Variants in CCSER1 observed in about 807,000 individuals in gnomAD.
CCSER1 encodes coiled-coil serine rich protein 1, also known as serine-rich coiled-coil domain-containing protein 1.
CCSER1 carries 41 observed loss-of-function variants against 82.0 expected under a neutral mutation model. The observed-to-expected ratio is 0.50, with a 90% CI of 0.39 to 0.65. The LOEUF (loss-of-function observed/expected upper bound fraction) is 0.65. Ranked by LOEUF, CCSER1 falls within the 30% of genes least tolerant of loss-of-function variation. CCSER1 has a pLI of 0.00. For synonymous variants in CCSER1, 414 were observed against 383.9 expected, an observed-to-expected ratio of 1.08 and a Z score of -0.92; for missense variants, 1,119 against 1,064.2, an observed-to-expected ratio of 1.05 and a Z score of -0.72.
At chr4:91,075,366 G>A (rs999081788) in intron 9 of CCSER1, among the ~76,000 whole-genome samples, 1 of 152,032 alleles carries the variant, frequency 6.6e-6, no homozygotes. Context: ...TGAGAAATAT[G>A]TATACTGAGG....
intron 7 of CCSER1, among the ~76,000 whole-genome samples, chr4:90,744,880 A>G (rs1204107977): frequency 1.3e-5 from 2 of 152,064 alleles, no homozygotes; most frequent in African/African-American, 4.8e-5. Flanking sequence ...CATGAAACCA[A>G]TTGTTGGTGC....
chr4:90,482,506 T>C (rs1397515777), intron 5 of CCSER1, among the ~76,000 whole-genome samples: 5 of 152,228 alleles, frequency 3.3e-5, no homozygotes, highest in Non-Finnish European at 5.9e-5. Flanking sequence ...CTTGTGGGCA[T>C]TTAGTGCTAT....
intron 3 of CCSER1, among the ~76,000 whole-genome samples, chr4:90,315,729 C>T (rs1736057002): frequency 6.6e-6 from 1 of 152,164 alleles, no homozygotes; most frequent in Non-Finnish European, 1.5e-5. Context: ...GTCTTGAACA[C>T]CTGACCTCAG....
intron 1 of CCSER1, among the ~76,000 whole-genome samples, chr4:90,210,693 C>G (rs929824457): frequency 1.3e-5 from 2 of 152,134 alleles, no homozygotes. Flanking sequence ...AATCCTCTGG[C>G]CTCAGCCTCC....
At chr4:90,409,495 A>C (rs1219215421) in intron 4 of CCSER1, among the ~76,000 whole-genome samples, 1 of 152,208 alleles carries the variant, frequency 6.6e-6, no homozygotes, top group South Asian at 2.1e-4. Flanking sequence ...TAAAGAAAAG[A>C]ATTTTCAACC....
chr4:91,516,053 G>T (rs1400726626), intron 10 of CCSER1, among the ~76,000 whole-genome samples: 3 of 151,994 alleles, frequency 2.0e-5, no homozygotes, highest in African/African-American at 7.2e-5. Flanking sequence ...TTTTAATGGG[G>T]TTGTATGTTT....
At chr4:90,187,322 T>C (rs1242160211) in intron 1 of CCSER1, among the ~76,000 whole-genome samples, 2 of 151,574 alleles carry the variant, frequency 1.3e-5, no homozygotes, top group East Asian at 3.9e-4. Context: ...TGTCTTAAAA[T>C]CAATGACATT....
At chr4:91,064,978 A>G (rs939140359) in intron 9 of CCSER1, among the ~76,000 whole-genome samples, 2 of 152,048 alleles carry the variant, frequency 1.3e-5, no homozygotes, top group Non-Finnish European at 2.9e-5. Flanking sequence ...GATTTTGCTT[A>G]TATTGTAAGT....
At chr4:90,778,719 C>A (rs1238544109) in intron 7 of CCSER1, among the ~76,000 whole-genome samples, 2 of 151,608 alleles carry the variant, frequency 1.3e-5, no homozygotes, top group Non-Finnish European at 2.9e-5. Flanking sequence ...TAGAAGGCAC[C>A]CTGCATCCCT....
In CCSER1 at chr4:91,421,315, T is replaced by C. The variant is rs534485733; in HGVS notation, c.2218-177257T>C. On this transcript the variant is annotated intron_variant, in intron 10 of 10. Coordinates refer to ENST00000509176, the MANE Select transcript of CCSER1 (RefSeq NM_001145065.2). ...CAGGAAAGCCTATGGTGTAATTCAG[T>C]TGGAGTCTGAAAGCCTGAGAACCAG... is the stretch of plus-strand genomic sequence containing the variant. 6.4e-4 allele frequency among the ~76,000 whole-genome samples: 97 copies of C among 152,242 alleles called. No homozygotes were observed. In the South Asian group the frequency reaches 7.9e-3, roughly 12 times the overall value.
chr4:91,168,836 T>A (rs1315366666), intron 10 of CCSER1, among the ~76,000 whole-genome samples: 1 of 152,146 alleles, frequency 6.6e-6, no homozygotes, highest in Non-Finnish European at 1.5e-5. Context: ...CATAGGAGAC[T>A]CCATTTTGTT....
At chr4:91,120,267 G>C (rs1726968694) in intron 10 of CCSER1, among the ~76,000 whole-genome samples, 1 of 152,024 alleles carries the variant, frequency 6.6e-6, no homozygotes, top group Non-Finnish European at 1.5e-5. Flanking sequence ...ATAAAGCATA[G>C]TTGGAGCAAA....
intron 9 of CCSER1, among the ~76,000 whole-genome samples, chr4:90,947,548 A>T (rs2150345361): frequency 6.6e-6 from 1 of 152,282 alleles, no homozygotes; most frequent in East Asian, 1.9e-4. Context: ...TCAATGCATT[A>T]TCTACTGAAT....
chr4:91,166,820 T>G (rs1387174218), intron 10 of CCSER1, among the ~76,000 whole-genome samples: 1 of 152,352 alleles, frequency 6.6e-6, no homozygotes, highest in African/African-American at 2.4e-5. Flanking sequence ...GCTTTAATTT[T>G]TCATTTTTGT....
At chr4:91,297,845 TA>T (rs1169382180) in intron 10 of CCSER1, among the ~76,000 whole-genome samples, 1 of 152,014 alleles carries the variant, frequency 6.6e-6, no homozygotes, top group East Asian at 1.9e-4. Context: ...GGAAAAGTGG[TA>T]AAAACAGTAT....
intron 1 of CCSER1, among the ~76,000 whole-genome samples, chr4:90,167,160 C>G (rs1730618368): frequency 1.3e-5 from 2 of 151,944 alleles, no homozygotes; most frequent in African/African-American, 4.8e-5. Flanking sequence ...AACTCAAACT[C>G]AAGAAGTTAC....
At chr4:90,833,945 T>C (rs1561216511) in intron 8 of CCSER1, among the ~76,000 whole-genome samples, 2 of 152,166 alleles carry the variant, frequency 1.3e-5, no homozygotes, top group African/African-American at 2.4e-5. Flanking sequence ...CTCTGTTTGC[T>C]TCTGCTTTCT....
chr4:91,095,496 A>G (rs914369303), intron 10 of CCSER1, among the ~76,000 whole-genome samples: 4 of 152,054 alleles, frequency 2.6e-5, no homozygotes, highest in Admixed American at 1.3e-4. Flanking sequence ...TCTATTTACA[A>G]ATACTTGATC....
At chr4:90,541,359 G>T (rs982278767) in intron 5 of CCSER1, among the ~76,000 whole-genome samples, 2 of 152,024 alleles carry the variant, frequency 1.3e-5, no homozygotes, top group African/African-American at 4.8e-5. Context: ...TAAATTTTTT[G>T]CCTTCAAAGT....
Sources: gnomAD v4.1 joint callset for allele counts (sites outside exome capture counted in the v4.1 genomes callset) on GRCh38, gnomAD v4.1.1 for gene constraint, MANE v1.5 for transcripts, NCBI Gene and HGNC (gene_info 2026-07-23, HGNC 2026-07-21) for gene names.